ZC3H12B: variants seen among roughly 807,000 people sequenced by gnomAD.
The protein encoded by ZC3H12B is zinc finger CCCH-type containing 12B.
A neutral mutation model predicts 43.9 loss-of-function variants in ZC3H12B; 7 were observed. The observed-to-expected ratio is 0.16, with a 90% CI of 0.09 to 0.30. The LOEUF is 0.30. Ranked by LOEUF, ZC3H12B falls within the 10% of genes least tolerant of loss-of-function variation. The pLI, the probability that ZC3H12B is intolerant of heterozygous loss-of-function variation, is 1.00. For missense variants in ZC3H12B, 475 were observed against 670.2 expected, an observed-to-expected ratio of 0.71 and a Z score of 3.22; for synonymous variants, 222 against 241.7, an observed-to-expected ratio of 0.92 and a Z score of 0.76.
chrX:65,065,846 T>A, the ZC3H12B span, among the ~76,000 whole-genome samples: 2 of 109,095 alleles, frequency 1.8e-5, no homozygotes, highest in Non-Finnish European at 3.8e-5. Flanking sequence ...GTTTTTTTTT[T>A]ATTCTTTTTT....
At chrX:65,412,161 G>A (rs183687757) in intron 3 of ZC3H12B, among the ~76,000 whole-genome samples, 1 of 111,062 alleles carries the variant, frequency 9.0e-6, no homozygotes, top group African/African-American at 3.3e-5. Flanking sequence ...AATGCCCTTA[G>A]CCCCTGACAA....
At chrX:65,043,808 T>A in the ZC3H12B span, among the ~76,000 whole-genome samples, 1 of 112,076 alleles carries the variant, frequency 8.9e-6, no homozygotes, top group Admixed American at 9.5e-5. Flanking sequence ...GAACAAATAA[T>A]TAATTTGATT....
At chrX:65,371,426 GC>G (rs2066243282) in intron 2 of ZC3H12B, among the ~76,000 whole-genome samples, 1 of 111,342 alleles carries the variant, frequency 9.0e-6, no homozygotes, top group East Asian at 2.8e-4. Flanking sequence ...CTATTTCTAA[GC>G]CCAGTTTTTT....
At chrX:65,360,010 G>A in the ZC3H12B span, among the ~76,000 whole-genome samples, 1 of 111,792 alleles carries the variant, frequency 8.9e-6, no homozygotes. Flanking sequence ...AAACATCAAG[G>A]CAAGACCCTC....
At chrX:65,171,551 C>A in the ZC3H12B span, among the ~76,000 whole-genome samples, 105 of 111,260 alleles carry the variant, frequency 9.4e-4, no homozygotes, top group South Asian at 0.016. Context: ...CTGTGAGAAG[C>A]ACTACTCTCT....
At chrX:65,327,705 C>A in the ZC3H12B span, among the ~76,000 whole-genome samples, 14 of 111,639 alleles carry the variant, frequency 1.3e-4, no homozygotes, top group African/African-American at 4.5e-4. Flanking sequence ...GAAACAACAG[C>A]ATTCAAAAAC....
At chrX:65,236,102 AG>A in the ZC3H12B span, among the ~76,000 whole-genome samples, 1 of 112,046 alleles carries the variant, frequency 8.9e-6, no homozygotes, top group Non-Finnish European at 1.9e-5. Context: ...ATTTTGTAAA[AG>A]GTATCTATCA....
chrX:65,225,024 G>C, the ZC3H12B span, among the ~76,000 whole-genome samples: 2 of 111,730 alleles, frequency 1.8e-5, no homozygotes, highest in East Asian at 2.8e-4. Flanking sequence ...GACAGCAGTG[G>C]TTCTCCCATC....
intron 3 of ZC3H12B, among the ~76,000 whole-genome samples, chrX:65,444,194 C>T (rs1243876976): frequency 8.9e-6 from 1 of 111,930 alleles, no homozygotes; most frequent in Non-Finnish European, 1.9e-5. Context: ...TTGAGACTGC[C>T]ATGAGGCTTG....
At chrX:65,460,390 T>C (rs2014789791) in intron 3 of ZC3H12B, among the ~76,000 whole-genome samples, 1 of 111,972 alleles carries the variant, frequency 8.9e-6, no homozygotes, top group African/African-American at 3.2e-5. Context: ...AAAAACAGCC[T>C]GCATTGCCAA....
chrX:65,459,129 G>T (rs887254238), intron 3 of ZC3H12B, among the ~76,000 whole-genome samples: 3 of 111,790 alleles, frequency 2.7e-5, no homozygotes, highest in African/African-American at 9.8e-5. Flanking sequence ...TAAATTCCTC[G>T]ACACATACAC....
intron 3 of ZC3H12B, among the ~76,000 whole-genome samples, chrX:65,416,557 G>C (rs765443748): frequency 2.7e-5 from 3 of 109,334 alleles, no homozygotes; most frequent in South Asian, 8.4e-4. Flanking sequence ...TGAGGTGGGC[G>C]GATGACGAGG....
At chrX:65,403,275 G>A (rs1057097871) in intron 3 of ZC3H12B, among the ~76,000 whole-genome samples, 3 of 111,562 alleles carry the variant, frequency 2.7e-5, no homozygotes, top group African/African-American at 3.3e-5. Context: ...TACACTGCTA[G>A]GGGAGACAAA....
At chrX:65,397,639 T>TA (rs2066716247) in intron 2 of ZC3H12B, among the ~76,000 whole-genome samples, 1 of 111,310 alleles carries the variant, frequency 9.0e-6, no homozygotes, top group Non-Finnish European at 1.9e-5. Flanking sequence ...CTCAATATGA[T>TA]AAAAGGCATA....
chrX:65,137,487 C>T, the ZC3H12B span, among the ~76,000 whole-genome samples: 1 of 111,792 alleles, frequency 8.9e-6, no homozygotes, highest in African/African-American at 3.2e-5. Flanking sequence ...AAACAAGTAA[C>T]CTAGAATAAA....
chrX:65,427,874 C>G (rs2067102495), intron 3 of ZC3H12B, among the ~76,000 whole-genome samples: 1 of 111,682 alleles, frequency 9.0e-6, no homozygotes, highest in Admixed American at 9.5e-5. Flanking sequence ...GGTTTTTGTA[C>G]TTCAGTGTGT....
the ZC3H12B span, among the ~76,000 whole-genome samples, chrX:65,060,009 T>C: frequency 8.9e-6 from 1 of 112,686 alleles, no homozygotes; most frequent in African/African-American, 3.2e-5. Flanking sequence ...AATTTCTTTT[T>C]CAGATTGTTC....
the ZC3H12B span, among the ~76,000 whole-genome samples, chrX:65,355,721 C>T: frequency 9.0e-6 from 1 of 111,506 alleles, no homozygotes; most frequent in Non-Finnish European, 1.9e-5. Flanking sequence ...GCCTGTAATT[C>T]TAGCACTTTG....
At chrX:65,138,580 TTTTTA>T in the ZC3H12B span, among the ~76,000 whole-genome samples, 1 of 112,096 alleles carries the variant, frequency 8.9e-6, no homozygotes, top group African/African-American at 3.2e-5. Flanking sequence ...ATTTTATTTA[TTTTTA>T]TTTTATTCAC....
Sources: gnomAD v4.1 joint callset for allele counts (sites outside exome capture counted in the v4.1 genomes callset) on GRCh38, gnomAD v4.1.1 for gene constraint, MANE v1.5 for transcripts, NCBI Gene and HGNC (gene_info 2026-07-23, HGNC 2026-07-21) for gene names.